Variants in DOCK2 observed in about 807,000 individuals in gnomAD.
DOCK2 encodes dedicator of cytokinesis 2, also known as dedicator of cytokinesis protein 2.
In DOCK2, 87 loss-of-function variants were observed where a neutral mutation model predicts 248.9. That is an observed-to-expected ratio of 0.35 (90% confidence interval 0.29 to 0.42). The LOEUF is 0.42. Ranked by LOEUF, DOCK2 falls within the 10% of genes least tolerant of loss-of-function variation. The probability of loss-of-function intolerance (pLI) is 1.00; values close to 1 mark genes in which losing one functional copy is unlikely to be tolerated. For synonymous variants in DOCK2, 805 were observed against 821.6 expected, an observed-to-expected ratio of 0.98 and a Z score of 0.35; for missense variants, 1,747 against 2,300.2, an observed-to-expected ratio of 0.76 and a Z score of 4.92.
intron 22 of DOCK2, among the ~76,000 whole-genome samples, chr5:169,727,396 C>A (rs1762541061): frequency 6.6e-6 from 1 of 152,150 alleles, no homozygotes; most frequent in Admixed American, 6.5e-5. Flanking sequence ...AGCTGAGGTT[C>A]TTGCTGTTGT....
At chr5:169,891,968 C>T (rs925921290) in intron 27 of DOCK2, among the ~76,000 whole-genome samples, 1 of 149,150 alleles carries the variant, frequency 6.7e-6, no homozygotes, top group African/African-American at 2.5e-5. Context: ...TGCACTCCAG[C>T]CTGGGCAACA....
At chr5:169,749,212 T>G (rs1763773271) in intron 23 of DOCK2, among the ~76,000 whole-genome samples, 1 of 152,226 alleles carries the variant, frequency 6.6e-6, no homozygotes, top group Non-Finnish European at 1.5e-5. Context: ...TGAAAATCCC[T>G]GAGGCTAAAT....
At chr5:169,988,795 T>G (rs1357918543) in intron 29 of DOCK2, among the ~76,000 whole-genome samples, 1 of 152,214 alleles carries the variant, frequency 6.6e-6, no homozygotes, top group African/African-American at 2.4e-5. Context: ...TATTATTAAG[T>G]GCATTTTGCC....
rs562507776 is a variant in DOCK2 at position 169,654,549 on chromosome 5, C to A, written c.127+63C>A. 4 of 1,564,190 alleles carry A rather than the reference C, an allele frequency of 2.6e-6. No individual in the cohort carries two copies. The African/African-American group carries it at 4.1e-5, about 16-fold the overall frequency. On this transcript the variant is annotated intron_variant, in intron 2 of 51. Coordinates refer to ENST00000520908, the MANE Select transcript of DOCK2 (RefSeq NM_004946.3). ...GGCTGATGGAAGCCTATAGTACACC[C>A]AGGCCCCTCAGCGCTGTCTCTGAAC...
At chr5:169,652,198 C>A (rs1318152871) in intron 1 of DOCK2, among the ~76,000 whole-genome samples, 3 of 152,206 alleles carry the variant, frequency 2.0e-5, no homozygotes, top group African/African-American at 2.4e-5. Context: ...AAAAAGATAT[C>A]CTTCCTCTGG....
chr5:170,007,077 C>T (rs1257663231), intron 30 of DOCK2, among the ~76,000 whole-genome samples: 1 of 152,176 alleles, frequency 6.6e-6, no homozygotes, highest in Admixed American at 6.5e-5. Context: ...AGACTGGAAC[C>T]GCAAACCGAT....
At chr5:169,870,263 C>T (rs908824237) in intron 27 of DOCK2, among the ~76,000 whole-genome samples, 3 of 152,134 alleles carry the variant, frequency 2.0e-5, no homozygotes, top group African/African-American at 7.2e-5. Context: ...ACTAATCTGG[C>T]TTACAGATCA....
At chr5:169,822,947 G>A (rs1005128350) in intron 26 of DOCK2, among the ~76,000 whole-genome samples, 4 of 152,098 alleles carry the variant, frequency 2.6e-5, no homozygotes, top group Admixed American at 6.5e-5. Context: ...TATCACCACC[G>A]ATCCCACAGA....
Position 169,983,068 on chromosome 5 carries a change from A to G in DOCK2, c.2800A>G (p.Ser934Gly). ...TAGTATTTGTCTTCATTTCTTGCAG[A>G]GTCACTTTGTGGCATGTATGACAGC... ...ITMGRDHILI[S>G]HFVACMTAIL... The change falls in exon 28 of 52, where the codon AGT becomes GGT. Residue 934 changes from serine (S) to glycine (G), a missense_variant and splice_region_variant. Transcript: ENST00000520908. 1 of 1,614,002 alleles carries G rather than the reference A, an allele frequency of 6.2e-7. No individual in the cohort carries two copies. The highest frequency in any genetic ancestry group is 8.5e-7 in the Non-Finnish European group (1 of 1,179,896).
chr5:169,725,696 C>G (rs1581100805), intron 22 of DOCK2, among the ~76,000 whole-genome samples: 2 of 151,706 alleles, frequency 1.3e-5, no homozygotes, highest in African/African-American at 4.8e-5. Context: ...GTGATGTTCC[C>G]CACCATGTGT....
intron 15 of DOCK2, 71 bp from the exon 16 acceptor site, chr5:169,711,864 G>A: frequency 6.5e-7 from 1 of 1,539,222 alleles, no homozygotes; most frequent in Non-Finnish European, 9.0e-7. Context: ...TGCTGTGGAA[G>A]TGTGTAGGGG....
At chr5:169,985,750 C>CA (rs761137577) in intron 28 of DOCK2, 78 bp from the exon 29 acceptor site, 187 of 1,232,736 alleles carry the variant, frequency 1.5e-4, no homozygotes, top group Middle Eastern at 8.0e-4. Context: ...AATATAATAG[C>CA]AAAAAAATTT....
At chr5:169,729,412 G>C (rs1287293658) in intron 22 of DOCK2, among the ~76,000 whole-genome samples, 1 of 152,140 alleles carries the variant, frequency 6.6e-6, no homozygotes, top group Admixed American at 6.5e-5. Flanking sequence ...AGATTGAAAA[G>C]GACTTCATCA....
chr5:169,730,927 GCTGAAGTACAGTGGCATGATCACAGCT>G (rs1246746452), intron 22 of DOCK2, among the ~76,000 whole-genome samples: 2 of 151,874 alleles, frequency 1.3e-5, no homozygotes, highest in Admixed American at 6.6e-5. Context: ...TGTTGCACAG[GCTGAAGTACAGTGGCATGATCACAGCT>G]CACTGTAGCC....
chr5:170,046,679 A>G (rs1041381968), intron 39 of DOCK2, among the ~76,000 whole-genome samples: 8 of 152,180 alleles, frequency 5.3e-5, no homozygotes, highest in African/African-American at 1.9e-4. Context: ...ATACACACAC[A>G]TGTGCTTGCA....
At chr5:170,072,895 A>G (rs1220837514) in intron 46 of DOCK2, among the ~76,000 whole-genome samples, 2 of 152,162 alleles carry the variant, frequency 1.3e-5, no homozygotes, top group African/African-American at 4.8e-5. Flanking sequence ...ATAGGAGTTT[A>G]TATATTCTAG....
intron 27 of DOCK2, chr5:169,882,522 C>G: frequency 1.3e-6 from 2 of 1,506,160 alleles, no homozygotes; most frequent in Non-Finnish European, 1.8e-6. Flanking sequence ...TTCACCCAGT[C>G]ATTTTTAATA....
chr5:169,983,158 G>A lies in DOCK2; in HGVS notation c.2890G>A (p.Glu964Lys). Residue 964 changes from glutamate to lysine, a missense_variant, in exon 28 of 52, where the codon GAA (glutamate) becomes AAA (lysine). Glu to Lys is a moderately conservative substitution (Grantham distance 56, BLOSUM62 1). Transcript: ENST00000520908. Reference sequence around the variant, plus strand: ...CATTGAGACCTTCCAGACCAGCTCTGAACTTGTGGTGAGTCTGCAGGATGC... The same window carrying A: ...CATTGAGACCTTCCAGACCAGCTCTAAACTTGTGGTGAGTCTGCAGGATGC... Reference protein sequence around the residue: ...FYIETFQTSSELVDFLMETFI... With the variant: ...FYIETFQTSSKLVDFLMETFI... 6.2e-7 allele frequency: 1 copy of A among 1,614,052 alleles called. No homozygotes were observed. Among genetic ancestry groups the A allele is most frequent in the South Asian group, 1.1e-5 (1 of 91,068 alleles).
Position 169,840,838 on chromosome 5 carries a change from G to C in DOCK2, c.2785G>C (p.Asp929His). 1.2e-6 allele frequency: 2 copies of C among 1,613,880 alleles called. No homozygotes were observed. Among genetic ancestry groups the C allele is most frequent in the Non-Finnish European group, 1.7e-6 (2 of 1,179,934 alleles). ...VNRTVITMGR[D>H]HILISHFVAC... The stretch of plus-strand genomic sequence containing the variant: ...CCGGACAGTCATCACCATGGGCCGG[G>C]ATCACATTCTGATTGTGAGTGGATT... The change falls in exon 27 of 52, where the codon GAT becomes CAT. Residue 929 changes from aspartate to histidine, a missense_variant. Asp to His is a moderately conservative substitution (Grantham distance 81, BLOSUM62 -1). Transcript: ENST00000520908.
Sources: allele counts gnomAD v4.1 joint callset (sites outside exome capture counted in the v4.1 genomes callset), GRCh38; gene constraint gnomAD v4.1.1; transcripts MANE v1.5; gene names NCBI Gene and HGNC (gene_info 2026-07-23, HGNC 2026-07-21).